The following PRDM11 variants were observed in gnomAD, a reference collection of about 807,000 sequenced individuals.
The protein encoded by PRDM11 is PR domain-containing protein 11.
In PRDM11, 20 loss-of-function variants were observed where a neutral mutation model predicts 97.8. The ratio of observed to expected loss-of-function variants is 0.20; its 90% CI spans 0.14 to 0.30. PRDM11 has a LOEUF of 0.30. Ranked by LOEUF, PRDM11 falls within the 10% of genes least tolerant of loss-of-function variation. PRDM11 has a pLI of 1.00. For synonymous variants in PRDM11, 599 were observed against 637.7 expected, an observed-to-expected ratio of 0.94 and a Z score of 0.91; for missense variants, 1,139 against 1,555.2, an observed-to-expected ratio of 0.73 and a Z score of 4.50.
intron 4 of PRDM11, among the ~76,000 whole-genome samples, chr11:45,187,832 G>A (rs113000047): frequency 5.5e-5 from 8 of 144,296 alleles, no homozygotes; most frequent in Admixed American, 6.8e-5. Context: ...GTGTGTGTGT[G>A]TATGTGTGTG....
rs1273525683 is a variant in PRDM11 at position 45,224,767 on chromosome 11, T to G, written c.1293T>G (p.Leu431=). The part of the protein sequence containing the change: ...VRELQAELDM[L]KSGKLPEPPV... ...AGCTCCAGGCAGAATTAGACATGCTTAAGTCTGGGAAACTTCCTGAGCCCC... is the reference window on the plus strand; with the variant it reads ...AGCTCCAGGCAGAATTAGACATGCTGAAGTCTGGGAAACTTCCTGAGCCCC... The change falls in exon 7 of 8, where the codon CTT becomes CTG. Residue 431 remains leucine (L), a synonymous_variant. Transcript: ENST00000683152. The G allele has an allele frequency of 6.2e-7, 1 of 1,614,182 alleles. No homozygotes were observed. The highest frequency in any genetic ancestry group is 2.2e-5 in the East Asian group (1 of 44,880).
intron 1 of PRDM11, among the ~76,000 whole-genome samples, chr11:45,111,864 C>T (rs1325116769): frequency 6.6e-6 from 1 of 152,128 alleles, no homozygotes; most frequent in Non-Finnish European, 1.5e-5. Flanking sequence ...CACATTTGAT[C>T]CTGGTGATCA....
At chr11:45,151,508 C>T (rs772450137) in intron 1 of PRDM11, among the ~76,000 whole-genome samples, 15 of 152,212 alleles carry the variant, frequency 9.9e-5, no homozygotes, top group Non-Finnish European at 2.1e-4. Context: ...ACCATTCGGT[C>T]CTTCATTCAT....
intron 1 of PRDM11, among the ~76,000 whole-genome samples, chr11:45,115,928 C>CAAAAAAAAA (rs1179136677): frequency 3.5e-5 from 2 of 56,574 alleles, no homozygotes; most frequent in Non-Finnish European, 3.6e-5. Flanking sequence ...AACTCCATCT[C>CAAAAAAAAA]AAAAAAAAAA....
At chr11:45,170,511 G>A (rs1461991981) in intron 1 of PRDM11, among the ~76,000 whole-genome samples, 1 of 152,212 alleles carries the variant, frequency 6.6e-6, no homozygotes, top group Non-Finnish European at 1.5e-5. Flanking sequence ...AGAGGGAATA[G>A]CCAGTGCTAA....
At chr11:45,218,060 A>T (rs996448708) in intron 5 of PRDM11, among the ~76,000 whole-genome samples, 1 of 152,136 alleles carries the variant, frequency 6.6e-6, no homozygotes, top group Non-Finnish European at 1.5e-5. Context: ...CCATTTTTCC[A>T]TGTCATAAAA....
At chr11:45,120,911 T>G (rs1035036466) in intron 1 of PRDM11, among the ~76,000 whole-genome samples, 7 of 152,178 alleles carry the variant, frequency 4.6e-5, no homozygotes, top group Non-Finnish European at 1.0e-4. Flanking sequence ...TGAGTTAAAC[T>G]GTTGTAAGGT....
chr11:45,188,858 G>A (rs1852805405), intron 4 of PRDM11, among the ~76,000 whole-genome samples: 1 of 152,232 alleles, frequency 6.6e-6, no homozygotes. Context: ...GTTTGGTAAA[G>A]AGGCAGAAGA....
At chr11:45,148,801 A>C (rs1851589783) in intron 1 of PRDM11, among the ~76,000 whole-genome samples, 1 of 152,142 alleles carries the variant, frequency 6.6e-6, no homozygotes, top group Non-Finnish European at 1.5e-5. Context: ...GTTGTTGGCA[A>C]GTATAAAGTA....
chr11:45,210,720 G>A (rs1378342392), intron 5 of PRDM11, among the ~76,000 whole-genome samples: 1 of 152,228 alleles, frequency 6.6e-6, no homozygotes, highest in Non-Finnish European at 1.5e-5. Context: ...AAAAGAACAT[G>A]GAGACCATTT....
chr11:45,138,381 C>T (rs1852922192), intron 1 of PRDM11, among the ~76,000 whole-genome samples: 2 of 152,100 alleles, frequency 1.3e-5, no homozygotes, highest in Non-Finnish European at 2.9e-5. Flanking sequence ...GCCTGGGGAA[C>T]ATAGTGAGAC....
At chr11:45,162,371 A>C (rs557851767) in intron 1 of PRDM11, among the ~76,000 whole-genome samples, 2 of 152,192 alleles carry the variant, frequency 1.3e-5, no homozygotes, top group Non-Finnish European at 2.9e-5. Context: ...AGTAAGGCTC[A>C]GAGAGGCCCA....
At chr11:45,112,543 A>G (rs1852205556) in intron 1 of PRDM11, among the ~76,000 whole-genome samples, 1 of 152,224 alleles carries the variant, frequency 6.6e-6, no homozygotes, top group Non-Finnish European at 1.5e-5. Flanking sequence ...GTACTAATTT[A>G]CATTCTCACC....
In PRDM11 at chr11:45,146,792, G is replaced by A. The variant is rs1401842284; in HGVS notation, c.-92G>A. On this transcript the variant is annotated 5_prime_UTR_variant, in exon 1 of 8. Coordinates refer to ENST00000683152, the MANE Select transcript of PRDM11 (RefSeq NM_001384648.1). ...GCCGCTCCCTCCGCGGGGGCCGCCA[G>A]CCGAGGCCGCGCCGCCTCCGCCGAG... The A allele has an allele frequency of 1.4e-5, 2 of 144,644 alleles. No individual in the cohort carries two copies. Among genetic ancestry groups the A allele is most frequent in the African/African-American group, 4.9e-5 (2 of 40,502 alleles). 9.0% of individuals were successfully genotyped at this position (144,644 alleles called of 1,614,324 possible).
At chr11:45,132,607 C>T (rs1242481144) in intron 1 of PRDM11, among the ~76,000 whole-genome samples, 1 of 152,182 alleles carries the variant, frequency 6.6e-6, no homozygotes, top group African/African-American at 2.4e-5. Flanking sequence ...GCTTATGAAG[C>T]CACAGTCATT....
At chr11:45,140,634 C>T (rs543569254) in intron 1 of PRDM11, among the ~76,000 whole-genome samples, 1 of 152,274 alleles carries the variant, frequency 6.6e-6, no homozygotes, top group South Asian at 2.1e-4. Context: ...TTCGGCACTT[C>T]TTATTTTCCT....
rs1234581292 is a variant in PRDM11, at chr11:45,219,165, C to T, written c.555-405C>T. ...AAACAGTTGAAGGACCCCAGCCTTA[C>T]CACCTTCAGAGGCCTGTGGGTATCT... On this transcript the variant is annotated intron_variant, in intron 5 of 7. Coordinates refer to ENST00000683152, the MANE Select transcript of PRDM11 (RefSeq NM_001384648.1). The surrounding 1 kb of genome is among the most constrained non-coding windows in gnomAD (Gnocchi z 4.2). Among the ~76,000 whole-genome samples, 2 of 152,194 alleles carry T rather than the reference C, an allele frequency of 1.3e-5. No individual in the cohort carries two copies. Among genetic ancestry groups the T allele is most frequent in the Admixed American group, 6.5e-5 (1 of 15,284 alleles).
At chr11:45,094,271 T>C (rs141773850), upstream of PRDM11, among the ~76,000 whole-genome samples, 1,031 of 151,936 alleles carry the variant, frequency 6.8e-3, 11 homozygotes, top group African/African-American at 0.024. Flanking sequence ...GGTGAGACGA[T>C]GGGGTGCCAT....
chr11:45,162,890 G>A (rs1851963989), intron 1 of PRDM11, among the ~76,000 whole-genome samples: 2 of 152,182 alleles, frequency 1.3e-5, no homozygotes, highest in Admixed American at 1.3e-4. Context: ...GAAAGCTTTG[G>A]GCAAGCAACT....
Sources: allele counts gnomAD v4.1 joint callset (sites outside exome capture counted in the v4.1 genomes callset), GRCh38; gene constraint gnomAD v4.1.1; non-coding constraint Gnocchi (gnomAD v3.1); transcripts MANE v1.5; gene names NCBI Gene and HGNC (gene_info 2026-07-23, HGNC 2026-07-21).